The following RC3H2 variants were observed in gnomAD, a reference collection of about 807,000 sequenced individuals.
RC3H2 encodes roquin-2.
RC3H2 carries 31 observed loss-of-function variants against 133.3 expected under a neutral mutation model. The observed-to-expected ratio is 0.23, with a 90% CI of 0.17 to 0.31. RC3H2 has a LOEUF of 0.31. RC3H2 is among the 10% of genes least tolerant of loss of function. The pLI, the probability that RC3H2 is intolerant of heterozygous loss-of-function variation, is 1.00. For synonymous variants in RC3H2, 517 were observed against 502.2 expected, an observed-to-expected ratio of 1.03 and a Z score of -0.40; for missense variants, 1,175 against 1,437.2, an observed-to-expected ratio of 0.82 and a Z score of 2.95.
Position 122,851,662 on chromosome 9 carries a change from G to A in RC3H2, c.3118-226C>T, listed in dbSNP as rs530057835. On this transcript the variant is annotated intron_variant, in intron 18 of 20. Transcript: ENST00000357244. Reference sequence around the variant, plus strand: ...CAGGCGCGCGCCGCCACGCCTGACTGGTTTTCGTATTTTTTTGGTGGAGAC... The same window carrying A: ...CAGGCGCGCGCCGCCACGCCTGACTAGTTTTCGTATTTTTTTGGTGGAGAC... The A allele has an allele frequency of 1.8e-4, 89 of 505,374 alleles. 1 individual carries two copies. The South Asian group carries it at 1.8e-3, about 10-fold the overall frequency. The allele number at this position is 505,374 out of a possible 1,614,324, so 31.3% of individuals were successfully genotyped here. A position where few individuals can be genotyped will look rare whatever the true frequency, so the allele number is the denominator to read the frequency against.
rs1831732696 is a variant in RC3H2, at chr9:122,883,324, G to T, written c.639C>A (p.Ala213=). The T allele has an allele frequency of 6.2e-7, 1 of 1,613,116 alleles. No individual in the cohort carries two copies. The highest frequency in any genetic ancestry group is 1.7e-5 in the Admixed American group (1 of 59,816). Residue 213 remains alanine (A), a synonymous_variant, in exon 5 of 21, where the codon GCC becomes GCA. Transcript: ENST00000357244. ...LVLLALEDGS[A]LSRKVLVLFV... Reference sequence around the variant, plus strand: ...AAAGTACCAGAACTTTCCTTGAGAGGGCAGAACCATCTTCTAATGCCAGTA... The same window carrying T: ...AAAGTACCAGAACTTTCCTTGAGAGTGCAGAACCATCTTCTAATGCCAGTA...
At chr9:122,855,531 C>T (rs1199062674) in intron 14 of RC3H2, 134 bp from the exon 15 acceptor site, 1 of 952,424 alleles carries the variant, frequency 1.0e-6, no homozygotes, top group Non-Finnish European at 1.5e-6. Context: ...GATAATCCAA[C>T]AAACTACCAG....
intron 13 of RC3H2, 39 bp downstream of exon 13, chr9:122,857,884 C>A (rs1470962246): frequency 6.4e-7 from 1 of 1,568,722 alleles, no homozygotes; most frequent in Non-Finnish European, 8.7e-7. Context: ...AGCTGTTTGA[C>A]CTATCCCTGC....
At chr9:122,856,709 T>TA (rs536029076) in intron 13 of RC3H2, among the ~76,000 whole-genome samples, 4 of 152,248 alleles carry the variant, frequency 2.6e-5, no homozygotes, top group African/African-American at 7.2e-5. Flanking sequence ...AAGGAATACT[T>TA]ATAGGACCAG....
chr9:122,867,707 C>T (rs1830774455), intron 9 of RC3H2, among the ~76,000 whole-genome samples: 1 of 112,898 alleles, frequency 8.9e-6, no homozygotes, highest in Non-Finnish European at 1.9e-5. Context: ...GCGCCTCTGC[C>T]TGGCCGCGAC....
chr9:122,903,579 CA>C (rs1279205242), intron 1 of RC3H2, among the ~76,000 whole-genome samples: 3 of 152,152 alleles, frequency 2.0e-5, no homozygotes, highest in African/African-American at 7.2e-5. Flanking sequence ...AATAACAGAT[CA>C]GGGGTAACTC....
chr9:122,860,058 T>C lies in RC3H2; in HGVS notation c.1708A>G (p.Thr570Ala). The change falls in exon 11 of 21, where the codon ACA (threonine) becomes GCA (alanine). Residue 570 changes from threonine to alanine, a missense_variant. Thr to Ala is a moderately conservative substitution (Grantham distance 58, BLOSUM62 0). Around this residue, in one of 8 missense-constraint regions of RC3H2, gnomAD observed 490 missense variants for 492.8 expected, o/e 0.99. Coordinates refer to ENST00000357244, the MANE Select transcript of RC3H2 (RefSeq NM_001100588.3). ...TTTTGAGGCACAGAATTCAGCTCTGTTCCAACATTAGAGGGCCCAGCTGAG... is the reference window on the plus strand; with the variant it reads ...TTTTGAGGCACAGAATTCAGCTCTGCTCCAACATTAGAGGGCCCAGCTGAG... ...ATSAGPSNVGTELNSVPQKSS... is the reference protein window; with the variant it reads ...ATSAGPSNVGAELNSVPQKSS... 4 of 1,614,110 alleles carry C rather than the reference T, an allele frequency of 2.5e-6. 1 individual carries two copies. The South Asian group carries it at 4.4e-5, about 18-fold the overall frequency.
At chr9:122,854,476 A>T in intron 16 of RC3H2, 55 bp downstream of exon 16, 1 of 1,372,280 alleles carries the variant, frequency 7.3e-7, no homozygotes, top group Non-Finnish European at 1.0e-6. Context: ...GTGTACCCTT[A>T]AGATACATAC....
intron 9 of RC3H2, among the ~76,000 whole-genome samples, chr9:122,876,828 G>GA (rs1005724584): frequency 2.0e-5 from 3 of 151,492 alleles, no homozygotes; most frequent in African/African-American, 7.3e-5. Context: ...TAGGAGAAGA[G>GA]AAAGAATACA....
chr9:122,886,597 G>A (rs549972358), intron 4 of RC3H2, among the ~76,000 whole-genome samples: 40 of 152,336 alleles, frequency 2.6e-4, no homozygotes, highest in African/African-American at 8.7e-4. Flanking sequence ...GCCGAGATGG[G>A]AGGATCACTT....
intron 3 of RC3H2, 33 bp from the exon 4 acceptor site, chr9:122,890,578 T>A (rs1371690090): frequency 4.6e-6 from 7 of 1,524,982 alleles, no homozygotes; most frequent in Non-Finnish European, 6.2e-6. Context: ...GGAGCTAAAG[T>A]TTTTTCAATA....
At chr9:122,889,972 T>C (rs929940371) in intron 4 of RC3H2, among the ~76,000 whole-genome samples, 3 of 152,104 alleles carry the variant, frequency 2.0e-5, no homozygotes, top group Non-Finnish European at 4.4e-5. Context: ...TGGAACCCTG[T>C]CTGTACAAAA....
At chr9:122,866,366 C>T (rs1259138493) in intron 9 of RC3H2, among the ~76,000 whole-genome samples, 1 of 3,758 alleles carries the variant, frequency 2.7e-4, no homozygotes, top group Non-Finnish European at 0.011. Context: ...TCCCTCTCCC[C>T]CTCCCCCTCC....
rs774094601 is a variant in RC3H2, at chr9:122,849,868, A to G, written c.3381-46T>C. The stretch of plus-strand genomic sequence containing the variant: ...TTAAAAACAAATTAGCTTTAAGTGC[A>G]AACTGTTAAGGGTGACTATACATAT... On this transcript the variant is annotated intron_variant, in intron 20 of 20. Transcript: ENST00000357244. 2.2e-6 allele frequency: 3 copies of G among 1,390,496 alleles called. No individual in the cohort carries two copies. In the Admixed American group the frequency reaches 7.0e-5, roughly 32 times the overall value. 86.1% of individuals were successfully genotyped at this position (1,390,496 alleles called of 1,614,324 possible). A position where few individuals can be genotyped will look rare whatever the true frequency, so the allele number is the denominator to read the frequency against.
intron 8 of RC3H2, among the ~76,000 whole-genome samples, chr9:122,879,536 C>T (rs1410210670): frequency 6.6e-6 from 1 of 152,088 alleles, no homozygotes; most frequent in Non-Finnish European, 1.5e-5. Context: ...AAATATTCTG[C>T]AATAAAGTAT....
At chr9:122,851,827 G>T (rs1352303398) in intron 18 of RC3H2, among the ~76,000 whole-genome samples, 2 of 152,238 alleles carry the variant, frequency 1.3e-5, no homozygotes, top group Non-Finnish European at 2.9e-5. Flanking sequence ...GGAGTGCAGT[G>T]GCGTGATCTC....
chr9:122,872,334 C>G (rs1358637081), intron 9 of RC3H2, among the ~76,000 whole-genome samples: 1 of 152,108 alleles, frequency 6.6e-6, no homozygotes, highest in Non-Finnish European at 1.5e-5. Flanking sequence ...TGCTATAGTC[C>G]TACCCGAGCT....
At position 122,870,952 on chromosome 9, in the gene RC3H2, T is replaced by C. The variant is rs544430937; in HGVS notation, c.1326-5295A>G. Among the ~76,000 whole-genome samples, 5 of 152,352 alleles carry C rather than the reference T, an allele frequency of 3.3e-5. No homozygotes were observed. In the South Asian group the frequency reaches 8.3e-4, roughly 25 times the overall value. On this transcript the variant is annotated intron_variant, in intron 9 of 20. Coordinates refer to ENST00000357244, the MANE Select transcript of RC3H2 (RefSeq NM_001100588.3). The stretch of plus-strand genomic sequence containing the variant: ...TTCAAAATTATAAATAATTCATTAA[T>C]ACGCTTCTTTACTAAGTTCATTTTC...
intron 18 of RC3H2, chr9:122,851,700 T>C (rs1588048191): frequency 2.6e-6 from 1 of 383,896 alleles, no homozygotes; most frequent in Non-Finnish European, 4.8e-6. Flanking sequence ...GGTTTCGCTG[T>C]GATGGCCGGG....
Sources: allele counts gnomAD v4.1 joint callset (sites outside exome capture counted in the v4.1 genomes callset), GRCh38; gene constraint gnomAD v4.1.1; regional missense constraint gnomAD v4.1.1; transcripts MANE v1.5; gene names NCBI Gene and HGNC (gene_info 2026-07-23, HGNC 2026-07-21).